CNTN4: variants seen among roughly 807,000 people sequenced by gnomAD.
CNTN4 encodes contactin 4, also known as contactin-4.
In CNTN4, 77 loss-of-function variants were observed where a neutral mutation model predicts 122.5. That is an observed-to-expected ratio of 0.63 (90% CI 0.52 to 0.76). CNTN4 has a LOEUF of 0.76. Ranked by LOEUF, CNTN4 falls within the 30% of genes least tolerant of loss-of-function variation. The pLI, the probability that CNTN4 is intolerant of heterozygous loss-of-function variation, is 0.00. For missense variants in CNTN4, 1,256 were observed against 1,259.1 expected (o/e 1.00, Z 0.04); for synonymous variants, 512 against 447.0 (o/e 1.15, Z -1.83).
chr3:2,287,659 A>G (rs1236487491), intron 2 of CNTN4, among the ~76,000 whole-genome samples: 880 of 27,734 alleles, frequency 0.032, 20 homozygotes, highest in Middle Eastern at 0.051. Flanking sequence ...GAAGAAGAAG[A>G]AGAAGAAGAA....
chr3:2,541,747 G>A (rs564593972), intron 3 of CNTN4, among the ~76,000 whole-genome samples: 1 of 152,064 alleles, frequency 6.6e-6, no homozygotes, highest in Non-Finnish European at 1.5e-5. Context: ...TTCTCAGACC[G>A]CCAAGGGCAA....
rs1433486808 is a variant in CNTN4 at position 2,943,535 on chromosome 3, T to A, written c.1358+17756T>A. Among the ~76,000 whole-genome samples, 4 of 151,086 alleles carry A rather than the reference T, an allele frequency of 2.6e-5. No individual in the cohort carries two copies. The East Asian group carries it at 7.7e-4, about 29-fold the overall frequency. The stretch of plus-strand genomic sequence containing the variant: ...TTCATGTTGATTAGTGAATACTTGG[T>A]TATAGAGACACAAATTTTATTTAGA... On this transcript the variant is annotated intron_variant, in intron 13 of 24. Coordinates refer to ENST00000418658, the MANE Select transcript of CNTN4 (RefSeq NM_175607.3).
chr3:2,142,080 T>G (rs1202401198), intron 2 of CNTN4, among the ~76,000 whole-genome samples: 1 of 152,226 alleles, frequency 6.6e-6, no homozygotes, highest in African/African-American at 2.4e-5. Flanking sequence ...GCATATTAAC[T>G]GTCCACATGT....
intron 2 of CNTN4, among the ~76,000 whole-genome samples, chr3:2,224,902 G>A (rs2039210499): frequency 6.6e-6 from 1 of 152,180 alleles, no homozygotes; most frequent in African/African-American, 2.4e-5. Flanking sequence ...TGTAATCCCA[G>A]CATTTTGGGA....
intron 2 of CNTN4, among the ~76,000 whole-genome samples, chr3:2,199,597 G>T (rs1474659867): frequency 6.6e-6 from 1 of 152,110 alleles, no homozygotes; most frequent in Non-Finnish European, 1.5e-5. Flanking sequence ...CTAATTGAGT[G>T]CCTCCTATGT....
intron 7 of CNTN4, among the ~76,000 whole-genome samples, chr3:2,832,625 A>C (rs957806732): frequency 6.6e-6 from 1 of 152,230 alleles, no homozygotes; most frequent in Non-Finnish European, 1.5e-5. Context: ...AAAAGAAGCC[A>C]ACATGGCACA....
intron 8 of CNTN4, among the ~76,000 whole-genome samples, chr3:2,873,616 C>G (rs2093810904): frequency 6.6e-6 from 1 of 152,234 alleles, no homozygotes; most frequent in African/African-American, 2.4e-5. Context: ...CAACTGGTCA[C>G]TGTAAACTTT....
intron 3 of CNTN4, among the ~76,000 whole-genome samples, chr3:2,352,684 C>T (rs940466569): frequency 3.3e-5 from 5 of 152,150 alleles, no homozygotes; most frequent in Admixed American, 1.3e-4. Flanking sequence ...CGGTGGGCTC[C>T]GGCATGGCTG....
intron 4 of CNTN4, among the ~76,000 whole-genome samples, chr3:2,646,180 C>G (rs1405421056): frequency 6.6e-6 from 1 of 152,116 alleles, no homozygotes; most frequent in Non-Finnish European, 1.5e-5. Flanking sequence ...ATAAAAGTAT[C>G]TACTAGTGTG....
At chr3:2,400,506 C>T (rs1485311674) in intron 3 of CNTN4, among the ~76,000 whole-genome samples, 1 of 144,578 alleles carries the variant, frequency 6.9e-6, no homozygotes, top group African/African-American at 2.5e-5. Context: ...CACATGCTTA[C>T]CATCCACCCT....
rs148816944 is a variant in CNTN4, at chr3:2,959,993, A to G, written c.1359-28352A>G. Among the ~76,000 whole-genome samples the G allele has an allele frequency of 7.4e-4, 112 of 152,352 alleles. No homozygotes were observed. In the East Asian group the frequency reaches 0.015, roughly 21 times the overall value. Reference sequence around the variant, plus strand: ...TATGGGCATGAAACACTGCAGTTCTATCTTCAAAGTCCTTTGAAATCTGTC... The same window carrying G: ...TATGGGCATGAAACACTGCAGTTCTGTCTTCAAAGTCCTTTGAAATCTGTC... On this transcript the variant is annotated intron_variant, in intron 13 of 24. Transcript: ENST00000418658.
chr3:2,800,300 A>ATTTCTTC (rs1407474621), intron 6 of CNTN4, among the ~76,000 whole-genome samples: 1 of 151,790 alleles, frequency 6.6e-6, no homozygotes, highest in East Asian at 1.9e-4. Context: ...CATTCGATTT[A>ATTTCTTC]TTTCTTCTTT....
chr3:2,150,856 A>T (rs1012347259), intron 2 of CNTN4, among the ~76,000 whole-genome samples: 2 of 152,096 alleles, frequency 1.3e-5, no homozygotes, highest in Non-Finnish European at 2.9e-5. Context: ...CTTCAATGCA[A>T]TTACCATTTT....
intron 4 of CNTN4, among the ~76,000 whole-genome samples, chr3:2,627,727 T>C (rs544600238): frequency 6.6e-6 from 1 of 152,114 alleles, no homozygotes; most frequent in Non-Finnish European, 1.5e-5. Context: ...TCTCCTGACC[T>C]TGTGATCTGC....
chr3:2,791,474 A>C (rs2092008103), intron 6 of CNTN4, among the ~76,000 whole-genome samples: 1 of 151,950 alleles, frequency 6.6e-6, no homozygotes. Flanking sequence ...TTGAGGCTGC[A>C]GAGACCTGTG....
At chr3:3,044,894 TC>T (rs950629784) in intron 23 of CNTN4, among the ~76,000 whole-genome samples, 15 of 152,180 alleles carry the variant, frequency 9.9e-5, no homozygotes, top group African/African-American at 3.6e-4. Context: ...ACCTGGAAGA[TC>T]AGGGCACTCC....
chr3:3,012,462 G>GT (rs1697327593), intron 14 of CNTN4, among the ~76,000 whole-genome samples: 1 of 151,518 alleles, frequency 6.6e-6, no homozygotes, highest in African/African-American at 2.4e-5. Flanking sequence ...TTTTGTTTTT[G>GT]TTTTTGAGAC....
At chr3:2,661,952 A>G (rs1224954359) in intron 4 of CNTN4, among the ~76,000 whole-genome samples, 2 of 152,062 alleles carry the variant, frequency 1.3e-5, no homozygotes, top group African/African-American at 4.8e-5. Flanking sequence ...ACCCCCTGCC[A>G]CCTTTTGTTA....
intron 3 of CNTN4, among the ~76,000 whole-genome samples, chr3:2,369,005 A>G (rs539865084): frequency 6.6e-6 from 1 of 151,758 alleles, no homozygotes; most frequent in African/African-American, 2.4e-5. Flanking sequence ...GCTCCCTGCA[A>G]CCTCCGCCTC....
Sources: gnomAD v4.1 joint callset for allele counts (sites outside exome capture counted in the v4.1 genomes callset) on GRCh38, gnomAD v4.1.1 for gene constraint, MANE v1.5 for transcripts, NCBI Gene and HGNC (gene_info 2026-07-23, HGNC 2026-07-21) for gene names.